Variants in DEFB121 observed in about 807,000 individuals in gnomAD.
The protein encoded by DEFB121 is beta-defensin 121.
In DEFB121, 5 loss-of-function variants were observed where a neutral mutation model predicts 2.5. That is an observed-to-expected ratio of 1.96 (90% CI 1.03 to 4.13). The LOEUF (loss-of-function observed/expected upper bound fraction) is 4.13. Among genes scored for constraint, DEFB121 ranks in the 30% most tolerant of loss-of-function variants. The probability of loss-of-function intolerance (pLI) is 0.00; values close to 1 mark genes in which losing one functional copy is unlikely to be tolerated. For synonymous variants in DEFB121, 39 were observed against 32.6 expected, an observed-to-expected ratio of 1.20 and a Z score of -0.67; for missense variants, 87 against 85.0, an observed-to-expected ratio of 1.02 and a Z score of -0.09.
At chr20:31,413,135 T>C (rs80348802), upstream of DEFB121, among the ~76,000 whole-genome samples, 1,729 of 152,204 alleles carry the variant, frequency 0.011, 11 homozygotes, top group Non-Finnish European at 0.02. Context: ...CTACTCCACA[T>C]CCAAAGCTAC....
chr20:31,412,556 T>C (rs372362917), intron 1 of DEFB121: 13 of 1,179,040 alleles, frequency 1.1e-5, no homozygotes, highest in African/African-American at 3.1e-5. Context: ...GCTCAGGGAA[T>C]AGTGCCTGGC....
At chr20:31,410,823 T>TGAGAGAGAGAGAGAGAGA (rs72164704), upstream of DEFB121, among the ~76,000 whole-genome samples, 148 of 136,106 alleles carry the variant, frequency 1.1e-3, 1 homozygote, top group African/African-American at 2.5e-3. Flanking sequence ...CCTTGAAAAA[T>TGAGAGAGAGAGAGAGAGA]GAGAGAGAGA....
chr20:31,412,603 A>C, intron 1 of DEFB121: 1 of 1,290,728 alleles, frequency 7.7e-7, no homozygotes, highest in African/African-American at 1.5e-5. Flanking sequence ...AGTTACTGTT[A>C]TTTACTATGA....
At chr20:31,418,460 A>ACTGG in the DEFB121 span, among the ~76,000 whole-genome samples, 1 of 152,036 alleles carries the variant, frequency 6.6e-6, no homozygotes, top group Non-Finnish European at 1.5e-5. Context: ...TAGATAGAAA[A>ACTGG]CTGGCTGAAA....
intron 1 of DEFB121, among the ~76,000 whole-genome samples, chr20:31,411,424 T>G (rs894967499): frequency 3.3e-5 from 5 of 152,220 alleles, no homozygotes; most frequent in Non-Finnish European, 7.3e-5. Flanking sequence ...TAGAAAACTG[T>G]GGAACAACCT....
upstream of DEFB121, among the ~76,000 whole-genome samples, chr20:31,410,603 A>T (rs183577600): frequency 6.6e-6 from 1 of 152,290 alleles, no homozygotes; most frequent in Admixed American, 6.5e-5. Flanking sequence ...GCAACAGAGG[A>T]CTAAAATAAA....
At chr20:31,416,646 T>C (rs910313981), upstream of DEFB121, among the ~76,000 whole-genome samples, 1 of 152,188 alleles carries the variant, frequency 6.6e-6, no homozygotes, top group African/African-American at 2.4e-5. Flanking sequence ...AATCAATACA[T>C]GTCAAGATAA....
At chr20:31,416,382 C>A (rs1217007827), upstream of DEFB121, among the ~76,000 whole-genome samples, 1 of 152,120 alleles carries the variant, frequency 6.6e-6, no homozygotes, top group Non-Finnish European at 1.5e-5. Context: ...TTAAACTGAG[C>A]AGCTCTACTT....
At chr20:31,413,931 G>A (rs1280543218), upstream of DEFB121, among the ~76,000 whole-genome samples, 1 of 152,194 alleles carries the variant, frequency 6.6e-6, no homozygotes, top group African/African-American at 2.4e-5. Flanking sequence ...AGATAGGCGG[G>A]GTAAGGTGGC....
exon 1 of DEFB121, chr20:31,412,741 C>G (rs1978699153): frequency 8.6e-7 from 1 of 1,157,054 alleles, no homozygotes; most frequent in African/African-American, 1.6e-5. Context: ...GGCAGTAGCT[C>G]AGAGATCTCT....
At chr20:31,406,021 G>T in intron 1 of DEFB121, 74 bp downstream of exon 1, 1 of 1,540,182 alleles carries the variant, frequency 6.5e-7, no homozygotes, top group Non-Finnish European at 8.9e-7. Flanking sequence ...AGCCCAACCT[G>T]TCAGAGTCCC....
At chr20:31,417,065 G>A (rs1416379529), upstream of DEFB121, among the ~76,000 whole-genome samples, 1 of 152,130 alleles carries the variant, frequency 6.6e-6, no homozygotes, top group East Asian at 1.9e-4. Context: ...AAGAAAGAAG[G>A]CCGGGCGCAA....
chr20:31,406,358 A>AG (rs1199604244), upstream of DEFB121: 3 of 1,129,096 alleles, frequency 2.7e-6, no homozygotes, highest in Non-Finnish European at 2.3e-6. Context: ...AGGCTGGGAG[A>AG]GGGGGAAGGG....
upstream of DEFB121, chr20:31,406,342 C>T: frequency 1.6e-6 from 2 of 1,265,516 alleles, no homozygotes; most frequent in Non-Finnish European, 2.0e-6. Context: ...ACCACACTGC[C>T]TGAGGAGGCT....
upstream of DEFB121, among the ~76,000 whole-genome samples, chr20:31,416,502 T>G (rs551861124): frequency 6.6e-5 from 10 of 152,342 alleles, no homozygotes; most frequent in Admixed American, 1.3e-4. Flanking sequence ...CAGAGCCATT[T>G]TTTCTTTAAG....
rs1197174621 is a variant in DEFB121 at position 31,412,533 on chromosome 20, T to G, written n.217+89A>C. 4.2e-6 allele frequency: 4 copies of G among 944,974 alleles called. No homozygotes were observed. In the South Asian group the frequency reaches 5.5e-5, roughly 13 times the overall value. 58.5% of individuals were successfully genotyped at this position (944,974 alleles called of 1,614,324 possible). On this transcript the variant is annotated intron_variant and non_coding_transcript_variant, in intron 1 of 1. Coordinates refer to the DEFB121 transcript ENST00000376312. Reference sequence around the variant, plus strand: ...GGTTTGCTGTGAAGATTAAATTAGGTGATGCTTGTAAAGCTCAGGGAATAG... The same window carrying G: ...GGTTTGCTGTGAAGATTAAATTAGGGGATGCTTGTAAAGCTCAGGGAATAG...
chr20:31,412,550 A>G (rs1451317034), intron 1 of DEFB121: 16 of 1,139,936 alleles, frequency 1.4e-5, no homozygotes, highest in Non-Finnish European at 1.9e-5. Flanking sequence ...TGTAAAGCTC[A>G]GGGAATAGTG....
chr20:31,414,394 T>C (rs1978747317), upstream of DEFB121, among the ~76,000 whole-genome samples: 1 of 152,362 alleles, frequency 6.6e-6, no homozygotes, highest in African/African-American at 2.4e-5. Context: ...AAGAGATATC[T>C]GCACACCCAC....
At chr20:31,417,774 C>T (rs867439775), upstream of DEFB121, among the ~76,000 whole-genome samples, 6 of 151,688 alleles carry the variant, frequency 4.0e-5, no homozygotes, top group African/African-American at 1.5e-4. Context: ...ACCAGCCTGG[C>T]CAACATGGTG....
Sources: gnomAD v4.1 joint callset for allele counts (sites outside exome capture counted in the v4.1 genomes callset) on GRCh38, gnomAD v4.1.1 for gene constraint, MANE v1.5 for transcripts, NCBI Gene and HGNC (gene_info 2026-07-23, HGNC 2026-07-21) for gene names.